The following SYT16 variants were observed in gnomAD, a reference collection of about 807,000 sequenced individuals.
SYT16 encodes synaptotagmin 16.
In SYT16, 42 loss-of-function variants were observed where a neutral mutation model predicts 61.4. The ratio of observed to expected loss-of-function variants is 0.68; its 90% CI spans 0.53 to 0.89. The LOEUF is 0.89. SYT16 is among the 40% of genes least tolerant of loss of function. SYT16 has a pLI of 0.00. For synonymous variants in SYT16, 314 were observed against 302.3 expected, an observed-to-expected ratio of 1.04 and a Z score of -0.40; for missense variants, 804 against 807.3, an observed-to-expected ratio of 1.00 and a Z score of 0.05.
chr14:61,938,765 A>G (rs1366623350), intron 1 of SYT16, among the ~76,000 whole-genome samples: 1 of 152,214 alleles, frequency 6.6e-6, no homozygotes, highest in Non-Finnish European at 1.5e-5. Context: ...GCTAAGAAGG[A>G]TGAATTTAGG....
intron 1 of SYT16, among the ~76,000 whole-genome samples, chr14:61,842,851 A>G (rs1041226006): frequency 3.3e-5 from 5 of 152,092 alleles, no homozygotes; most frequent in African/African-American, 4.8e-5. Flanking sequence ...GGTGCAGCAC[A>G]CCAACATGGC....
chr14:61,907,926 A>C (rs2048787187), intron 1 of SYT16, among the ~76,000 whole-genome samples: 1 of 152,242 alleles, frequency 6.6e-6, no homozygotes, highest in Non-Finnish European at 1.5e-5. Flanking sequence ...CAGGTGCCAC[A>C]GGATCTTTAG....
At chr14:61,949,063 T>G (rs147768488) in intron 1 of SYT16, among the ~76,000 whole-genome samples, 32 of 152,334 alleles carry the variant, frequency 2.1e-4, no homozygotes, top group Middle Eastern at 6.8e-3. Context: ...TTTCTTGCTC[T>G]TACTCATGGC....
At chr14:62,090,328 A>C (rs2057029869) in intron 7 of SYT16, among the ~76,000 whole-genome samples, 1 of 152,252 alleles carries the variant, frequency 6.6e-6, no homozygotes, top group Non-Finnish European at 1.5e-5. Context: ...AAATGATAAT[A>C]CTTAACAGCA....
chr14:61,848,424 GTC>G (rs35391609), intron 1 of SYT16, among the ~76,000 whole-genome samples: 28,905 of 150,328 alleles, frequency 0.19, 2,796 homozygotes, highest in Non-Finnish European at 0.21. Context: ...AACAAAAGGA[GTC>G]TCTCTCTCTC....
Position 61,995,935 on chromosome 14 carries a change from A to C in SYT16, c.-85A>C, listed in dbSNP as rs889844094. ...TAAGAGACCTCCAAATTAATTTCTC[A>C]ACATGCTTATTCTATAGTTCACATT... On this transcript the variant is annotated 5_prime_UTR_variant, in exon 3 of 8. Transcript: ENST00000683842. The C allele has an allele frequency of 2.6e-5, 35 of 1,367,470 alleles. No individual in the cohort carries two copies. In the African/African-American group the frequency reaches 4.5e-4, roughly 18 times the overall value. The allele number at this position is 1,367,470 out of a possible 1,614,324, so 84.7% of individuals were successfully genotyped here.
At chr14:62,092,944 A>C (rs968238684) in intron 7 of SYT16, among the ~76,000 whole-genome samples, 3 of 152,094 alleles carry the variant, frequency 2.0e-5, no homozygotes, top group Non-Finnish European at 2.9e-5. Flanking sequence ...AGATCAGAGG[A>C]TATTGCAAAA....
At chr14:61,846,759 G>A (rs917653175) in intron 1 of SYT16, among the ~76,000 whole-genome samples, 1 of 150,762 alleles carries the variant, frequency 6.6e-6, no homozygotes, top group African/African-American at 2.4e-5. Flanking sequence ...CTTCCTTTTA[G>A]TGAAGGTAAT....
At chr14:61,814,623 G>GA (rs1221158023) in intron 1 of SYT16, among the ~76,000 whole-genome samples, 1 of 152,166 alleles carries the variant, frequency 6.6e-6, no homozygotes, top group African/African-American at 2.4e-5. Flanking sequence ...TTTTGTTTAT[G>GA]AAAAAATTAT....
At chr14:62,087,975 C>T (rs1031129772) in intron 7 of SYT16, among the ~76,000 whole-genome samples, 1 of 152,140 alleles carries the variant, frequency 6.6e-6, no homozygotes, top group African/African-American at 2.4e-5. Flanking sequence ...GAAAAATTTG[C>T]ACCAAGTATT....
At chr14:61,815,787 C>T (rs1186042197) in intron 1 of SYT16, among the ~76,000 whole-genome samples, 1 of 152,172 alleles carries the variant, frequency 6.6e-6, no homozygotes, top group Non-Finnish European at 1.5e-5. Context: ...ATGATTTCCT[C>T]AGTGACAAGT....
At chr14:61,830,661 G>C (rs1325861342) in intron 1 of SYT16, among the ~76,000 whole-genome samples, 1 of 152,194 alleles carries the variant, frequency 6.6e-6, no homozygotes, top group Non-Finnish European at 1.5e-5. Context: ...CTCTAGTTGA[G>C]AGGAGGTAGG....
chr14:61,868,926 T>C (rs1332165922), intron 1 of SYT16, among the ~76,000 whole-genome samples: 1 of 152,122 alleles, frequency 6.6e-6, no homozygotes, highest in Non-Finnish European at 1.5e-5. Context: ...CATTTATCCT[T>C]CTAATTCCAT....
At chr14:61,946,306 C>T in intron 1 of SYT16, among the ~76,000 whole-genome samples, 1 of 152,162 alleles carries the variant, frequency 6.6e-6, no homozygotes, top group East Asian at 1.9e-4. Context: ...TCAAATACTG[C>T]ATGTTCTCAC....
chr14:61,820,914 C>T (rs1236794237), intron 1 of SYT16, among the ~76,000 whole-genome samples: 1 of 152,188 alleles, frequency 6.6e-6, no homozygotes, highest in Admixed American at 6.5e-5. Context: ...GCCATCCAGC[C>T]CTTCCTTCTG....
At chr14:61,885,446 T>A (rs2047863157) in intron 1 of SYT16, among the ~76,000 whole-genome samples, 1 of 152,186 alleles carries the variant, frequency 6.6e-6, no homozygotes, top group African/African-American at 2.4e-5. Context: ...AACATTCTCT[T>A]GTGGCATTCA....
intron 1 of SYT16, among the ~76,000 whole-genome samples, chr14:61,873,766 AC>A (rs1467532878): frequency 1.3e-5 from 2 of 152,140 alleles, no homozygotes; most frequent in African/African-American, 4.8e-5. Context: ...CATATAAAAA[AC>A]AGAACTACAT....
intron 3 of SYT16, among the ~76,000 whole-genome samples, chr14:62,064,334 G>GAAAAAA (rs781727444): frequency 1.0e-3 from 43 of 42,986 alleles, no homozygotes; most frequent in African/African-American, 2.7e-3. Context: ...CTTTAAATTT[G>GAAAAAA]AAAAAAAAAA....
intron 3 of SYT16, among the ~76,000 whole-genome samples, chr14:62,038,294 T>G (rs1453872721): frequency 6.6e-6 from 1 of 150,870 alleles, no homozygotes; most frequent in Non-Finnish European, 1.5e-5. Flanking sequence ...TACATGGTAC[T>G]CTTTCCTGAG....
Sources: allele counts gnomAD v4.1 joint callset (sites outside exome capture counted in the v4.1 genomes callset), GRCh38; gene constraint gnomAD v4.1.1; transcripts MANE v1.5; gene names NCBI Gene and HGNC (gene_info 2026-07-23, HGNC 2026-07-21).